The following KCNMB3 variants were observed in gnomAD, a reference collection of about 807,000 sequenced individuals.
KCNMB3 encodes the protein potassium calcium-activated channel subfamily M regulatory beta subunit 3, also known as calcium-activated potassium channel subunit beta-3.
KCNMB3 carries 18 observed loss-of-function variants against 11.9 expected under a neutral mutation model. That is an observed-to-expected ratio of 1.51 (90% CI 1.04 to 2.23). KCNMB3 has a LOEUF of 2.23. KCNMB3 is among the 30% of genes most tolerant of loss of function. KCNMB3 has a pLI of 0.00. For missense variants in KCNMB3, 247 were observed against 329.4 expected, an observed-to-expected ratio of 0.75 and a Z score of 1.94; for synonymous variants, 78 against 119.2, an observed-to-expected ratio of 0.65 and a Z score of 2.25.
chr3:179,252,010 G>A (rs1725864966), upstream of KCNMB3, among the ~76,000 whole-genome samples: 1 of 152,144 alleles, frequency 6.6e-6, no homozygotes, highest in South Asian at 2.1e-4. Flanking sequence ...GTGAGCCACT[G>A]CACCCGGCCT....
At chr3:179,261,367 G>A in intron 1 of KCNMB3, 2 of 1,135,710 alleles carry the variant, frequency 1.8e-6, no homozygotes, top group Non-Finnish European at 2.2e-6. Flanking sequence ...CGCGCGCTCT[G>A]TCCGCGGAGA....
chr3:179,257,839 A>G lies in KCNMB3; in HGVS notation c.63-6905T>C, dbSNP rs563616716. Among the ~76,000 whole-genome samples the G allele has an allele frequency of 1.9e-4, 29 of 151,858 alleles. No individual in the cohort carries two copies. In the South Asian group the frequency reaches 4.6e-3, roughly 24 times the overall value. The stretch of plus-strand genomic sequence containing the variant: ...GCGATCCTCCAAACTTGGCTTCCCA[A>G]TGTGCTAGGGTTACAGGCATGAAAA... On this transcript the variant is annotated intron_variant, in intron 1 of 3. Transcript: ENST00000349697.
Position 179,259,023 on chromosome 3 carries a change from G to T in KCNMB3, c.62+7626C>A. ...ACGCCTGCCGCCTGCCTCAGCTTAG[G>T]ACATGGTACGGTCTTCTTTGCTTTT... On this transcript the variant is annotated intron_variant, in intron 1 of 3. Transcript: ENST00000349697. The T allele has an allele frequency of 3.7e-6, 6 of 1,614,100 alleles. 1 individual carries two copies. The South Asian group carries it at 6.6e-5, about 18-fold the overall frequency.
intron 1 of KCNMB3, among the ~76,000 whole-genome samples, chr3:179,262,227 G>A (rs1726237014): frequency 6.6e-6 from 1 of 152,202 alleles, no homozygotes; most frequent in Admixed American, 6.5e-5. Flanking sequence ...GATAAATATA[G>A]AATACTCACT....
intron 1 of KCNMB3, chr3:179,260,831 T>C (rs1281689354): frequency 3.9e-6 from 5 of 1,276,718 alleles, no homozygotes; most frequent in Non-Finnish European, 4.5e-6. Flanking sequence ...AGCCAGCTGT[T>C]CTTCAATCTC....
chr3:179,263,434 G>T (rs115979573), intron 1 of KCNMB3, among the ~76,000 whole-genome samples: 10,405 of 152,326 alleles, frequency 0.068, 465 homozygotes, highest in Non-Finnish European at 0.1. Context: ...TCTAGCCTTG[G>T]CCAGCCCAGA....
In KCNMB3 at chr3:179,250,802, G is replaced by T; in HGVS notation, c.189C>A (p.Gly63=). ...GCAAGAAGAACATTAGGACTGAGAA[G>T]CCCATCATGGCAAACCCCAGCATCA... is the stretch of plus-strand genomic sequence containing the variant. ...RAVMLGFAMM[G]FSVLMFFLLG... The change falls in exon 1 of 3, where the codon GGC becomes GGA. Residue 63 remains glycine (G), a synonymous_variant. Coordinates refer to ENST00000392685, the MANE Select transcript of KCNMB3 (RefSeq NM_171830.2). 6.2e-7 allele frequency: 1 copy of T among 1,614,174 alleles called. No individual in the cohort carries two copies. Among genetic ancestry groups the T allele is most frequent in the Admixed American group, 1.7e-5 (1 of 60,022 alleles).
At chr3:179,239,824 A>G (rs1012396703), downstream of KCNMB3, 66 of 504,000 alleles carry the variant, frequency 1.3e-4, no homozygotes, top group Non-Finnish European at 2.1e-4. Flanking sequence ...TACTGCATTC[A>G]TTAGAAGAAA....
intron 1 of KCNMB3, chr3:179,261,332 C>A (rs984223176): frequency 1.7e-6 from 2 of 1,186,224 alleles, no homozygotes; most frequent in Non-Finnish European, 2.1e-6. Context: ...TGCCGGAGCC[C>A]CCCCCCGCGG....
chr3:179,260,737 A>G lies in KCNMB3; in HGVS notation c.62+5912T>C, dbSNP rs139927105. The stretch of plus-strand genomic sequence containing the variant: ...TTTGCTTCAGGGCCTCCTTGACTTC[A>G]GCAAACTGAAACTGCAGTATACTGT... On this transcript the variant is annotated intron_variant, in intron 1 of 3. Coordinates refer to the KCNMB3 transcript ENST00000349697. The G allele has an allele frequency of 7.6e-5, 110 of 1,443,668 alleles. 1 individual carries two copies. In the African/African-American group the frequency reaches 1.2e-3, roughly 15 times the overall value. The allele number at this position is 1,443,668 out of a possible 1,614,324, so 89.4% of individuals were successfully genotyped here.
rs1725523687 is a variant in KCNMB3, at chr3:179,243,272, G to C, written c.460C>G (p.Pro154Ala). The change falls in exon 3 of 3, where the codon CCT becomes GCT. Residue 154 changes from proline to alanine, a missense_variant. Physicochemically the swap from Pro to Ala is conservative, Grantham distance 27 (BLOSUM62 -1). Around this residue, in one of 2 missense-constraint regions of KCNMB3, gnomAD observed 87 missense variants for 171.9 expected, o/e 0.51. Coordinates refer to ENST00000392685, the MANE Select transcript of KCNMB3 (RefSeq NM_171830.2). ...TCATTTCTATCTTGGTGGCACTTAGGTGTGTAAAAGCACTAGGAATATGGA... is the reference window on the plus strand; with the variant it reads ...TCATTTCTATCTTGGTGGCACTTAGCTGTGTAAAAGCACTAGGAATATGGA... ...VQINPKCFYT[P>A]KCHQDRNDLL... The C allele has an allele frequency of 6.8e-6, 8 of 1,178,758 alleles. No homozygotes were observed. Among genetic ancestry groups the C allele is most frequent in the Non-Finnish European group, 9.8e-6 (8 of 818,218 alleles). 73.0% of individuals were successfully genotyped at this position (1,178,758 alleles called of 1,614,324 possible). A position where few individuals can be genotyped will look rare whatever the true frequency, so the allele number is the denominator to read the frequency against.
chr3:179,250,491 G>A (rs1213657254), intron 1 of KCNMB3, among the ~76,000 whole-genome samples: 1 of 152,208 alleles, frequency 6.6e-6, no homozygotes, highest in African/African-American at 2.4e-5. Context: ...TGGATTACGT[G>A]TTTGGAGGTA....
At position 179,242,920 on chromosome 3, in the gene KCNMB3, C is replaced by G. The variant is rs1355878120; in HGVS notation, c.812G>C (p.Arg271Thr). The change falls in exon 3 of 3, where the codon AGA becomes ACA. Residue 271 changes from arginine (R) to threonine (T), a missense_variant. Physicochemically the swap from Arg to Thr is moderately conservative, Grantham distance 71. Around this residue, in one of 2 missense-constraint regions of KCNMB3, gnomAD observed 87 missense variants for 171.9 expected, o/e 0.51. Coordinates refer to ENST00000392685, the MANE Select transcript of KCNMB3 (RefSeq NM_171830.2). ...GCCACCGTCTTAAGATTTCTCTGCT[C>G]TTCCTTTGCTCCTCCTCATAATGCA... ...KLCIMRRSKG[R>T]AEKS 1 of 1,600,536 alleles carries G rather than the reference C, an allele frequency of 6.2e-7. No individual in the cohort carries two copies. Among genetic ancestry groups the G allele is most frequent in the East Asian group, 2.2e-5 (1 of 44,806 alleles).
At chr3:179,263,447 G>A (rs1272564468) in intron 1 of KCNMB3, among the ~76,000 whole-genome samples, 1 of 152,260 alleles carries the variant, frequency 6.6e-6, no homozygotes, top group Non-Finnish European at 1.5e-5. Context: ...AGCCCAGAAA[G>A]GGGCTCCTCA....
rs755741723 is a variant in KCNMB3 at position 179,244,563 on chromosome 3, T to A, written c.379A>T (p.Asn127Tyr). The A allele has an allele frequency of 7.4e-5, 119 of 1,614,162 alleles. No individual in the cohort carries two copies. Among genetic ancestry groups the A allele is most frequent in the Middle Eastern group, 3.3e-4 (2 of 6,062 alleles). Residue 127 changes from asparagine (N) to tyrosine (Y), a missense_variant, in exon 2 of 3, where the codon AAC (asparagine) becomes TAC (tyrosine). Physicochemically the swap from Asn to Tyr is moderately radical, Grantham distance 143. Around this residue, in one of 2 missense-constraint regions of KCNMB3, gnomAD observed 160 missense variants for 157.5 expected, o/e 1.02. Coordinates refer to ENST00000392685, the MANE Select transcript of KCNMB3 (RefSeq NM_171830.2). ...GKYPCLQVFV[N>Y]LSHPGQKALL... ...GCTTTCTGACCTGGATGGCTGAGGT[T>A]CACAAACACCTGAAGACACGGGTAC...
intron 2 of KCNMB3, among the ~76,000 whole-genome samples, chr3:179,243,750 G>T (rs1576954125): frequency 6.6e-6 from 1 of 152,336 alleles, no homozygotes; most frequent in East Asian, 1.9e-4. Context: ...CTCACAGAGA[G>T]GGAGCCCCAC....
At chr3:179,254,534 G>A (rs762189858), upstream of KCNMB3, among the ~76,000 whole-genome samples, 3 of 152,190 alleles carry the variant, frequency 2.0e-5, no homozygotes, top group Non-Finnish European at 2.9e-5. Flanking sequence ...CTATAGGCCA[G>A]GCGCAATGGC....
At chr3:179,262,301 G>A (rs1180372129) in intron 1 of KCNMB3, among the ~76,000 whole-genome samples, 1 of 152,184 alleles carries the variant, frequency 6.6e-6, no homozygotes, top group Non-Finnish European at 1.5e-5. Context: ...TCCGGAATTG[G>A]TGGGTTCTTG....
intron 1 of KCNMB3, among the ~76,000 whole-genome samples, chr3:179,265,834 G>T (rs1456069049): frequency 1.3e-5 from 2 of 152,148 alleles, no homozygotes; most frequent in African/African-American, 2.4e-5. Context: ...CACATTGACT[G>T]CCCCATGCCC....
Sources: allele counts gnomAD v4.1 joint callset (sites outside exome capture counted in the v4.1 genomes callset), GRCh38; gene constraint gnomAD v4.1.1; regional missense constraint gnomAD v4.1.1; transcripts MANE v1.5; gene names NCBI Gene and HGNC (gene_info 2026-07-23, HGNC 2026-07-21).